Variants in TRPS1 observed in about 807,000 individuals in gnomAD.
TRPS1 encodes the protein transcriptional repressor GATA binding 1.
Under a neutral mutation model 101.2 loss-of-function variants are expected in TRPS1, and 6 were observed. The ratio of observed to expected loss-of-function variants is 0.06; its 90% CI spans 0.03 to 0.12. The LOEUF is 0.12. Among genes scored for constraint, TRPS1 ranks in the 10% least tolerant of loss-of-function variants. The probability of loss-of-function intolerance (pLI) is 1.00; values close to 1 mark genes in which losing one functional copy is unlikely to be tolerated. For missense variants in TRPS1, 1,363 were observed against 1,567.0 expected, an observed-to-expected ratio of 0.87 and a Z score of 2.20; for synonymous variants, 578 against 589.8, an observed-to-expected ratio of 0.98 and a Z score of 0.29.
At chr8:115,445,786 T>C (rs974231737) in intron 5 of TRPS1, among the ~76,000 whole-genome samples, 1 of 152,072 alleles carries the variant, frequency 6.6e-6, no homozygotes, top group Non-Finnish European at 1.5e-5. Context: ...CAACGAAAAA[T>C]TACTAAGGTA....
At chr8:115,620,972 C>T (rs931143291) in intron 2 of TRPS1, among the ~76,000 whole-genome samples, 2 of 152,184 alleles carry the variant, frequency 1.3e-5, no homozygotes, top group Non-Finnish European at 1.5e-5. Context: ...TAGTTCAAAA[C>T]AGCAAAATAT....
intron 5 of TRPS1, among the ~76,000 whole-genome samples, chr8:115,463,653 T>C (rs1814245695): frequency 6.6e-6 from 1 of 152,184 alleles, no homozygotes; most frequent in Admixed American, 6.5e-5. Flanking sequence ...GAGCAGGTTA[T>C]TTCAAGTATT....
intron 3 of TRPS1, among the ~76,000 whole-genome samples, chr8:115,616,691 G>A (rs916060940): frequency 4.6e-5 from 7 of 151,950 alleles, no homozygotes; most frequent in Non-Finnish European, 7.4e-5. Flanking sequence ...AAAATTGAAC[G>A]ATTGTCTGTA....
At position 115,619,231 on chromosome 8, in the gene TRPS1, G is replaced by T. The variant is rs3735985; in HGVS notation, c.867C>A (p.Ser289=). The T allele has an allele frequency of 1.9e-4, 299 of 1,614,134 alleles. 2 individuals carry two copies. In the East Asian group the frequency reaches 6.6e-3, roughly 36 times the overall value. ...AACGGTTGACCTTCTGGAAGTCTTTGGAATGGCTGAACTGCACCATGTTAT... is the reference window on the plus strand; with the variant it reads ...AACGGTTGACCTTCTGGAAGTCTTTTGAATGGCTGAACTGCACCATGTTAT... ...ALHNMVQFSH[S]KDFQKVNRSV... Residue 289 remains serine, a synonymous_variant, in exon 3 of 7, where the codon TCC becomes TCA. Transcript: ENST00000395715.
At chr8:115,607,245 T>A (rs754494865) in intron 3 of TRPS1, among the ~76,000 whole-genome samples, 7 of 152,088 alleles carry the variant, frequency 4.6e-5, no homozygotes, top group Non-Finnish European at 8.8e-5. Context: ...AAGGTTGTTG[T>A]TATTTAAAAA....
chr8:115,596,908 ATC>A (rs1033162605), intron 4 of TRPS1, among the ~76,000 whole-genome samples: 7 of 151,836 alleles, frequency 4.6e-5, no homozygotes, highest in Non-Finnish European at 7.4e-5. Flanking sequence ...TGTCTTTATC[ATC>A]TGTTTTTATT....
At chr8:115,649,571 G>A (rs905439790) in intron 1 of TRPS1, among the ~76,000 whole-genome samples, 5 of 152,156 alleles carry the variant, frequency 3.3e-5, no homozygotes, top group Non-Finnish European at 5.9e-5. Context: ...ATTTTAAGGC[G>A]GCCCCAATGG....
At chr8:115,430,940 G>GA (rs886173789) in intron 5 of TRPS1, among the ~76,000 whole-genome samples, 38 of 147,690 alleles carry the variant, frequency 2.6e-4, no homozygotes, top group South Asian at 1.1e-3. Context: ...TTAAAAAACT[G>GA]AAAAAAAAAT....
intron 1 of TRPS1, among the ~76,000 whole-genome samples, chr8:115,625,993 C>A (rs191040198): frequency 6.6e-6 from 1 of 151,772 alleles, no homozygotes; most frequent in African/African-American, 2.4e-5. Flanking sequence ...CGATGGTCTT[C>A]GCCTTAAAAA....
intron 5 of TRPS1, among the ~76,000 whole-genome samples, chr8:115,502,124 G>A (rs1815333224): frequency 6.6e-6 from 1 of 151,992 alleles, no homozygotes; most frequent in African/African-American, 2.4e-5. Context: ...AAGATTACAG[G>A]CACAACCTTG....
rs2130445786 is a variant in TRPS1 at position 115,587,507 on chromosome 8, G to A, written c.2194C>T (p.Gln732Ter). 6.2e-7 allele frequency: 1 copy of A among 1,614,170 alleles called. No individual in the cohort carries two copies. Among genetic ancestry groups the A allele is most frequent in the Non-Finnish European group, 8.5e-7 (1 of 1,180,016 alleles). ...TCGCCGTTGGCTGTAGTGATGTCCT[G>A]TTCCTGGCAGTGAACAGTGTTGAAG... ...EHFNTVHCQE[Q>*]DITTANGEED... Residue 732 changes from glutamine to a stop codon, truncating the protein, a stop_gained, in exon 5 of 7, where the codon CAG (glutamine) becomes TAG (stop). Transcript: ENST00000395715. LOFTEE classifies it high-confidence loss of function.
chr8:115,460,111 T>C (rs1200221595), intron 5 of TRPS1, among the ~76,000 whole-genome samples: 1 of 152,180 alleles, frequency 6.6e-6, no homozygotes, highest in Non-Finnish European at 1.5e-5. Flanking sequence ...TCTTTTTTGT[T>C]ACTGATATAT....
chr8:115,468,308 T>C (rs1163559900), intron 5 of TRPS1, among the ~76,000 whole-genome samples: 7 of 152,202 alleles, frequency 4.6e-5, no homozygotes, highest in Non-Finnish European at 1.0e-4. Flanking sequence ...AAACGGGATA[T>C]TTGCTTAATC....
intron 5 of TRPS1, among the ~76,000 whole-genome samples, chr8:115,556,561 G>T (rs959144330): frequency 6.6e-6 from 1 of 152,078 alleles, no homozygotes; most frequent in Admixed American, 6.6e-5. Context: ...TGTCTAAAAG[G>T]ATGGCAAATG....
chr8:115,464,412 A>G (rs1814267713), intron 5 of TRPS1, among the ~76,000 whole-genome samples: 2 of 152,242 alleles, frequency 1.3e-5, no homozygotes, highest in South Asian at 4.1e-4. Flanking sequence ...ATAATGATGG[A>G]CTTACATCAA....
chr8:115,442,334 T>C (rs1460420415), intron 5 of TRPS1, among the ~76,000 whole-genome samples: 6 of 152,228 alleles, frequency 3.9e-5, no homozygotes, highest in Non-Finnish European at 4.4e-5. Flanking sequence ...TTTAATTTTC[T>C]ATTTTTGCTT....
chr8:115,567,878 T>C (rs1311264440), intron 5 of TRPS1, among the ~76,000 whole-genome samples: 3 of 152,162 alleles, frequency 2.0e-5, no homozygotes, highest in Admixed American at 6.5e-5. Flanking sequence ...TCAGCATTCA[T>C]GATATATCAG....
chr8:115,475,654 C>CTTTAGCAGTGTTATCTCG (rs1814586222), intron 5 of TRPS1, among the ~76,000 whole-genome samples: 1 of 151,670 alleles, frequency 6.6e-6, no homozygotes. Flanking sequence ...CAGACATAAA[C>CTTTAGCAGTGTTATCTCG]TTTAGCAGTG....
intron 5 of TRPS1, among the ~76,000 whole-genome samples, chr8:115,540,053 G>A (rs1311664395): frequency 6.6e-6 from 1 of 152,114 alleles, no homozygotes; most frequent in Non-Finnish European, 1.5e-5. Context: ...CCTCTTGACC[G>A]CAATGTCTCT....
Sources: gnomAD v4.1 joint callset for allele counts (sites outside exome capture counted in the v4.1 genomes callset) on GRCh38, gnomAD v4.1.1 for gene constraint, MANE v1.5 for transcripts, NCBI Gene and HGNC (gene_info 2026-07-23, HGNC 2026-07-21) for gene names.